Variants in KLRG1 observed in about 807,000 individuals in gnomAD.
KLRG1 encodes the protein killer cell lectin like receptor G1.
Under a neutral mutation model 21.8 loss-of-function variants are expected in KLRG1, and 16 were observed. The observed-to-expected ratio is 0.73, with a 90% confidence interval of 0.50 to 1.11. The LOEUF is 1.11. Ranked by LOEUF, KLRG1 falls within the 50% of genes most tolerant of loss-of-function variation. The pLI is 0.00. For synonymous variants in KLRG1, 69 were observed against 75.9 expected (o/e 0.91, Z 0.47); for missense variants, 173 against 218.3 (o/e 0.79, Z 1.31).
the KLRG1 span, among the ~76,000 whole-genome samples, chr12:9,153,567 T>G: frequency 1.3e-5 from 2 of 152,264 alleles, no homozygotes; most frequent in African/African-American, 4.8e-5. Context: ...TTAATGTCAC[T>G]GTTTATTTTC....
intron 1 of KLRG1, among the ~76,000 whole-genome samples, chr12:8,964,739 A>G (rs1170856375): frequency 3.1e-4 from 47 of 150,666 alleles, no homozygotes; most frequent in Non-Finnish European, 5.2e-4. Flanking sequence ...GTGCATATAT[A>G]TTTAGGATAG....
the KLRG1 span, among the ~76,000 whole-genome samples, chr12:9,205,883 G>A: frequency 6.6e-6 from 1 of 152,044 alleles, no homozygotes; most frequent in African/African-American, 2.4e-5. Flanking sequence ...CTCAAATTTG[G>A]TCCCCTCATC....
chr12:8,998,302 T>G (rs906632204), intron 3 of KLRG1, among the ~76,000 whole-genome samples: 2 of 151,554 alleles, frequency 1.3e-5, no homozygotes, highest in Admixed American at 6.6e-5. Flanking sequence ...GCACTCTAGC[T>G]TAGGCAGCAG....
the KLRG1 span, among the ~76,000 whole-genome samples, chr12:9,071,657 T>A: frequency 6.6e-6 from 1 of 152,176 alleles, no homozygotes; most frequent in Non-Finnish European, 1.5e-5. Context: ...TATGTTCTCA[T>A]CATTTAGCTC....
the KLRG1 span, among the ~76,000 whole-genome samples, chr12:9,097,281 T>C: frequency 6.6e-6 from 1 of 152,026 alleles, no homozygotes; most frequent in East Asian, 1.9e-4. Flanking sequence ...GTAAGAAACA[T>C]TTTTTTATAA....
At chr12:9,187,616 A>G in the KLRG1 span, among the ~76,000 whole-genome samples, 1 of 152,250 alleles carries the variant, frequency 6.6e-6, no homozygotes, top group Non-Finnish European at 1.5e-5. Flanking sequence ...AGAAATCAGG[A>G]AGTTCTTTGA....
At chr12:9,090,746 T>C in the KLRG1 span, among the ~76,000 whole-genome samples, 24 of 152,318 alleles carry the variant, frequency 1.6e-4, no homozygotes, top group African/African-American at 5.5e-4. Flanking sequence ...GGCATGCTGC[T>C]CTACCTCTTT....
the KLRG1 span, among the ~76,000 whole-genome samples, chr12:9,044,520 A>G: frequency 6.6e-6 from 1 of 152,074 alleles, no homozygotes; most frequent in East Asian, 1.9e-4. Context: ...TACAAAAATG[A>G]GCCAGGCGTG....
At chr12:9,211,346 A>G in the KLRG1 span, among the ~76,000 whole-genome samples, 1 of 151,944 alleles carries the variant, frequency 6.6e-6, no homozygotes, top group African/African-American at 2.4e-5. Flanking sequence ...CCTGTCTTCA[A>G]GTTACTAATT....
the KLRG1 span, among the ~76,000 whole-genome samples, chr12:9,198,560 G>C: frequency 7.9e-5 from 12 of 152,202 alleles, no homozygotes; most frequent in Middle Eastern, 3.4e-3. Flanking sequence ...AGAGAAGGGA[G>C]AGAGAGGGAG....
the KLRG1 span, among the ~76,000 whole-genome samples, chr12:9,108,320 G>T: frequency 6.6e-6 from 1 of 151,980 alleles, no homozygotes; most frequent in African/African-American, 2.4e-5. Context: ...TAGAGACGGG[G>T]TTTCACCATG....
the KLRG1 span, among the ~76,000 whole-genome samples, chr12:9,100,074 T>C: frequency 6.6e-6 from 1 of 152,236 alleles, no homozygotes; most frequent in East Asian, 1.9e-4. Flanking sequence ...TCTAGCAAGT[T>C]ATCTTTTAGA....
At chr12:9,148,187 T>C in the KLRG1 span, among the ~76,000 whole-genome samples, 88 of 152,340 alleles carry the variant, frequency 5.8e-4, no homozygotes, top group Non-Finnish European at 1.1e-3. Context: ...AATGGTTAAG[T>C]CAAGCTAATT....
intron 1 of KLRG1, among the ~76,000 whole-genome samples, chr12:8,966,669 A>C (rs1370129682): frequency 1.3e-5 from 2 of 150,864 alleles, no homozygotes; most frequent in African/African-American, 4.9e-5. Context: ...GGCAATCATT[A>C]AAAAGTCAGG....
At chr12:9,067,479 G>C in the KLRG1 span, 1 of 336,814 alleles carries the variant, frequency 3.0e-6, no homozygotes, top group Non-Finnish European at 5.6e-6. Context: ...TTTTCATAGG[G>C]TATTCCCATA....
the KLRG1 span, chr12:9,107,526 G>A: frequency 6.2e-7 from 1 of 1,613,732 alleles, no homozygotes; most frequent in Non-Finnish European, 8.5e-7. Flanking sequence ...CAACCTACCT[G>A]TCCACTGAAT....
chr12:9,027,198 A>G, the KLRG1 span, among the ~76,000 whole-genome samples: 3 of 152,188 alleles, frequency 2.0e-5, no homozygotes, highest in Non-Finnish European at 4.4e-5. Context: ...CTTTTTTAAA[A>G]GAGACGTTTA....
the KLRG1 span, chr12:9,072,212 A>G: frequency 2.1e-6 from 2 of 934,946 alleles, no homozygotes; most frequent in Non-Finnish European, 3.2e-6. Context: ...CCCATCATTG[A>G]GAAATTATAT....
At chr12:9,099,287 C>G in the KLRG1 span, 1 of 1,231,074 alleles carries the variant, frequency 8.1e-7, no homozygotes, top group African/African-American at 1.5e-5. Context: ...TTGTTTAACC[C>G]TTTTGGCCCT....
Sources: allele counts gnomAD v4.1 joint callset (sites outside exome capture counted in the v4.1 genomes callset), GRCh38; gene constraint gnomAD v4.1.1; transcripts MANE v1.5; gene names NCBI Gene and HGNC (gene_info 2026-07-23, HGNC 2026-07-21).